Variants in XPR1 observed in about 807,000 individuals in gnomAD.
The protein encoded by XPR1 is xenotropic and polytropic retrovirus receptor 1.
A neutral mutation model predicts 87.5 loss-of-function variants in XPR1; 28 were observed. That is an observed-to-expected ratio of 0.32 (90% CI 0.24 to 0.44). The LOEUF (loss-of-function observed/expected upper bound fraction) is 0.44, where lower values mean the gene tolerates loss of function less well. Ranked by LOEUF, XPR1 falls within the 20% of genes least tolerant of loss-of-function variation. The pLI is 1.00. For missense variants in XPR1, 559 were observed against 862.3 expected (o/e 0.65, Z 4.41); for synonymous variants, 300 against 306.1 (o/e 0.98, Z 0.21).
intron 2 of XPR1, among the ~76,000 whole-genome samples, chr1:180,737,441 A>T (rs1321564376): frequency 6.6e-6 from 1 of 152,220 alleles, no homozygotes; most frequent in Non-Finnish European, 1.5e-5. Context: ...AATAGTAATC[A>T]TATAAATTGG....
chr1:180,853,895 A>G (rs1024178078), intron 11 of XPR1, among the ~76,000 whole-genome samples: 1 of 148,468 alleles, frequency 6.7e-6, no homozygotes, highest in East Asian at 2.0e-4. Context: ...TTAATGTCTC[A>G]TAAGTGTAAT....
chr1:180,662,139 G>A (rs1655801342), intron 1 of XPR1, among the ~76,000 whole-genome samples: 2 of 151,992 alleles, frequency 1.3e-5, no homozygotes, highest in African/African-American at 4.8e-5. Context: ...TGTTATAATA[G>A]TCTGTGTACT....
chr1:180,676,685 TC>T (rs1214477625), intron 1 of XPR1, among the ~76,000 whole-genome samples: 1 of 152,204 alleles, frequency 6.6e-6, no homozygotes. Flanking sequence ...CAGTTAATGT[TC>T]CCTGAGACAC....
intron 1 of XPR1, among the ~76,000 whole-genome samples, chr1:180,651,564 G>A (rs1159641826): frequency 6.6e-6 from 1 of 152,096 alleles, no homozygotes; most frequent in Non-Finnish European, 1.5e-5. Flanking sequence ...TGAAGTAATG[G>A]TGACTCTTAA....
chr1:180,654,619 A>G (rs1286872941), intron 1 of XPR1, among the ~76,000 whole-genome samples: 2 of 152,076 alleles, frequency 1.3e-5, no homozygotes, highest in African/African-American at 4.8e-5. Context: ...TTCTGTCTTC[A>G]TGATTTTGAC....
chr1:180,843,448 T>C (rs1186238492), intron 11 of XPR1, among the ~76,000 whole-genome samples: 1 of 152,166 alleles, frequency 6.6e-6, no homozygotes, highest in African/African-American at 2.4e-5. Context: ...AGCAAATTAT[T>C]TGGGAATTTA....
At chr1:180,736,967 G>A (rs1310454953) in intron 2 of XPR1, among the ~76,000 whole-genome samples, 1 of 152,180 alleles carries the variant, frequency 6.6e-6, no homozygotes, top group African/African-American at 2.4e-5. Context: ...CAAGATGGTG[G>A]ATACTCACAC....
At chr1:180,786,034 A>T (rs1218004199) in intron 2 of XPR1, among the ~76,000 whole-genome samples, 1 of 151,772 alleles carries the variant, frequency 6.6e-6, no homozygotes, top group Non-Finnish European at 1.5e-5. Context: ...GACCTTGGGC[A>T]GCTATAGCCC....
At chr1:180,841,638 G>A (rs1190561573) in intron 11 of XPR1, among the ~76,000 whole-genome samples, 1 of 152,164 alleles carries the variant, frequency 6.6e-6, no homozygotes, top group African/African-American at 2.4e-5. Flanking sequence ...CACAGGGCAA[G>A]TATCGATTAG....
chr1:180,680,363 T>TG (rs1656530026), intron 1 of XPR1, among the ~76,000 whole-genome samples: 1 of 128,794 alleles, frequency 7.8e-6, no homozygotes, highest in Admixed American at 7.6e-5. Context: ...GAACCTTTTT[T>TG]TTTTTTTTTT....
intron 1 of XPR1, among the ~76,000 whole-genome samples, chr1:180,642,105 G>A (rs1349257478): frequency 7.9e-5 from 12 of 152,080 alleles, no homozygotes. Context: ...AAGAAAGTTC[G>A]GCATTGCCCT....
chr1:180,685,678 T>C (rs1443308242), intron 2 of XPR1, among the ~76,000 whole-genome samples: 2 of 152,214 alleles, frequency 1.3e-5, no homozygotes, highest in African/African-American at 4.8e-5. Context: ...GTTATTGGTC[T>C]ATTCAGAGAT....
At chr1:180,840,072 A>C (rs1651448468) in intron 11 of XPR1, among the ~76,000 whole-genome samples, 1 of 151,284 alleles carries the variant, frequency 6.6e-6, no homozygotes, top group South Asian at 2.1e-4. Context: ...AAATACAAAA[A>C]ATTAGCCGGG....
intron 2 of XPR1, among the ~76,000 whole-genome samples, chr1:180,758,377 A>T (rs563725147): frequency 1.4e-4 from 21 of 152,288 alleles, no homozygotes; most frequent in Middle Eastern, 3.4e-3. Context: ...AATAAATAAT[A>T]TAAAAGTATT....
chr1:180,646,834 C>T (rs1655135503), intron 1 of XPR1, among the ~76,000 whole-genome samples: 2 of 152,184 alleles, frequency 1.3e-5, no homozygotes, highest in East Asian at 1.9e-4. Flanking sequence ...TGGATTCTGA[C>T]TTAAAGCCTG....
chr1:180,859,043 G>A (rs1199589926), intron 11 of XPR1, among the ~76,000 whole-genome samples: 1 of 288 alleles, frequency 3.5e-3, no homozygotes, highest in Non-Finnish European at 9.4e-3. Flanking sequence ...AGTCTGTTGT[G>A]TTTTCTTATT....
At position 180,745,820 on chromosome 1, in the gene XPR1, A is replaced by G. The variant is rs566743106; in HGVS notation, c.122-41933A>G. ...TTCTCCAAACCTTAAGAGTCTTCACATAGTTGCTGCATACATTTTGTTTAG... is the reference window on the plus strand; with the variant it reads ...TTCTCCAAACCTTAAGAGTCTTCACGTAGTTGCTGCATACATTTTGTTTAG... On this transcript the variant is annotated intron_variant, in intron 2 of 14. Coordinates refer to ENST00000367590, the MANE Select transcript of XPR1 (RefSeq NM_004736.4). Among the ~76,000 whole-genome samples, 81 of 152,342 alleles carry G rather than the reference A, an allele frequency of 5.3e-4. 2 individuals are homozygous for G. The South Asian group carries it at 0.015, about 28-fold the overall frequency.
intron 14 of XPR1, among the ~76,000 whole-genome samples, chr1:180,882,463 C>T (rs1652875478): frequency 6.6e-6 from 1 of 152,080 alleles, no homozygotes; most frequent in Non-Finnish European, 1.5e-5. Context: ...TTCAAGCACT[C>T]CTCCCACCTC....
intron 1 of XPR1, among the ~76,000 whole-genome samples, chr1:180,656,362 T>TA (rs1655471347): frequency 1.4e-4 from 16 of 111,814 alleles, no homozygotes; most frequent in African/African-American, 4.6e-4. Flanking sequence ...TATTTATATA[T>TA]ATAATATTTA....
Sources: allele counts gnomAD v4.1 joint callset (sites outside exome capture counted in the v4.1 genomes callset), GRCh38; gene constraint gnomAD v4.1.1; transcripts MANE v1.5; gene names NCBI Gene and HGNC (gene_info 2026-07-23, HGNC 2026-07-21).